The following IGF2 variants were observed in gnomAD, a reference collection of about 807,000 sequenced individuals.
The protein encoded by IGF2 is insulin like growth factor 2, also known as insulin-like growth factor 2.
A neutral mutation model predicts 12.0 loss-of-function variants in IGF2; 2 were observed. The ratio of observed to expected loss-of-function variants is 0.17; its 90% CI spans 0.07 to 0.52. The LOEUF (loss-of-function observed/expected upper bound fraction) is 0.52, where lower values mean the gene tolerates loss of function less well. IGF2 is among the 20% of genes least tolerant of loss of function. IGF2 has a pLI of 0.95. For missense variants in IGF2, 211 were observed against 268.0 expected (o/e 0.79, Z 1.48); for synonymous variants, 105 against 110.1 (o/e 0.95, Z 0.29).
the IGF2 span, chr11:2,146,331 A>C: frequency 1.9e-6 from 1 of 535,920 alleles, no homozygotes; most frequent in Admixed American, 1.9e-5. Context: ...GGGTCCTCAG[A>C]GCGCCCCTCC....
chr11:2,141,146 T>G (rs1859562392), upstream of IGF2: 1 of 181,960 alleles, frequency 5.5e-6, no homozygotes, highest in Admixed American at 6.5e-5. Flanking sequence ...TAGAGAGAAA[T>G]TTCCCAAATC....
At chr11:2,142,207 T>TAA (rs56374651), upstream of IGF2, among the ~76,000 whole-genome samples, 2,020 of 145,590 alleles carry the variant, frequency 0.014, 25 homozygotes, top group African/African-American at 0.038. The surrounding 1 kb of genome is among the most constrained non-coding windows in gnomAD (Gnocchi z 5.7). Flanking sequence ...AAATCAGTAT[T>TAA]AAAAAAAAAA....
chr11:2,131,356 G>A lies in IGF2; in HGVS notation c.*1631C>T, dbSNP rs1045041690. On this transcript the variant is annotated 3_prime_UTR_variant, in exon 4 of 4. Coordinates refer to ENST00000416167, the MANE Select transcript of IGF2 (RefSeq NM_000612.6). The stretch of plus-strand genomic sequence containing the variant: ...CATTGGAGAATCTTAGCGGGACTTT[G>A]GCCTGATCCATACAGATATCGTAGT... The A allele has an allele frequency of 4.3e-6, 1 of 233,354 alleles. No homozygotes were observed. Among genetic ancestry groups the A allele is most frequent in the Middle Eastern group, 1.3e-3 (1 of 790 alleles). The allele number at this position is 233,354 out of a possible 1,614,324, so 14.5% of individuals were successfully genotyped here. A position where few individuals can be genotyped will look rare whatever the true frequency, so the allele number is the denominator to read the frequency against.
chr11:2,146,418 TGGCGTCAGCCC>T, the IGF2 span: 44 of 533,786 alleles, frequency 8.2e-5, no homozygotes, highest in Non-Finnish European at 5.0e-5. Flanking sequence ...ACACACTCGC[TGGCGTCAGCCC>T]GGCCGGCCTG....
intron 1 of IGF2, among the ~76,000 whole-genome samples, chr11:2,136,190 A>G (rs1435974561): frequency 6.6e-6 from 1 of 152,004 alleles, no homozygotes; most frequent in Non-Finnish European, 1.5e-5. Flanking sequence ...CAACCACGCC[A>G]CCCATGCTCT....
chr11:2,149,275 G>A, the IGF2 span: 1 of 1,613,730 alleles, frequency 6.2e-7, no homozygotes, highest in Non-Finnish European at 8.5e-7. Flanking sequence ...CCAAAGCAGG[G>A]GGTGCCCTGG....
In IGF2 at chr11:2,132,657, TG is replaced by T. The variant is rs199644459; in HGVS notation, c.*329del. On this transcript the variant is annotated 3_prime_UTR_variant, in exon 4 of 4. Coordinates refer to ENST00000416167, the MANE Select transcript of IGF2 (RefSeq NM_000612.6). ...CCAATTAGTTTTAAGAGGGTTGTTG[TG>T]GGGGGGGGGGAAGGGGGTTAGTTTA... is the stretch of plus-strand genomic sequence containing the variant. 19,952 of 114,922 alleles carry T rather than the reference TG, an allele frequency of 0.17. 1,224 individuals are homozygous for T. Among genetic ancestry groups the T allele is most frequent in the African/African-American group, 0.31 (6,384 of 20,466 alleles). 7.1% of individuals were successfully genotyped at this position (114,922 alleles called of 1,614,324 possible).
upstream of IGF2, among the ~76,000 whole-genome samples, chr11:2,141,847 T>G (rs1859618629): frequency 6.6e-6 from 1 of 152,190 alleles, no homozygotes; most frequent in Admixed American, 6.5e-5. Flanking sequence ...AATAAAAAAA[T>G]AAAAAATCAG....
chr11:2,135,244 G>A, intron 2 of IGF2, 123 bp downstream of exon 2: 1 of 892,286 alleles, frequency 1.1e-6, no homozygotes, highest in South Asian at 2.0e-5. Flanking sequence ...GAAGGTCAAA[G>A]TCTCAGAGCA....
Position 2,130,589 on chromosome 11 carries a change from A to AAC in IGF2, c.*2397_*2398insGT. ...AGCTAAGGAGGGGTAAAAAAAAAAC[A>AAC]AAAAAAAAAAAAAAAGGAAAAATGC... On this transcript the variant is annotated 3_prime_UTR_variant, in exon 4 of 4. Coordinates refer to ENST00000416167, the MANE Select transcript of IGF2 (RefSeq NM_000612.6). 1 of 113,488 alleles carries AAC rather than the reference A, an allele frequency of 8.8e-6. No homozygotes were observed. The highest frequency in any genetic ancestry group is 1.6e-5 in the Non-Finnish European group (1 of 63,354). The allele number at this position is 113,488 out of a possible 1,614,324, so 7.0% of individuals were successfully genotyped here.
chr11:2,138,074 C>T (rs1250063339), intron 1 of IGF2, among the ~76,000 whole-genome samples, 155 bp downstream of exon 1: 1 of 150,362 alleles, frequency 6.7e-6, no homozygotes, highest in Non-Finnish European at 1.5e-5. Context: ...AGCCGTCCGT[C>T]CTCCTCCTCC....
At position 2,131,736 on chromosome 11, in the gene IGF2, G is replaced by T. The variant is rs920767501; in HGVS notation, c.*1251C>A. 1 of 201,782 alleles carries T rather than the reference G, an allele frequency of 5.0e-6. No individual in the cohort carries two copies. The highest frequency in any genetic ancestry group is 2.5e-5 in the African/African-American group (1 of 40,590). The allele number at this position is 201,782 out of a possible 1,614,324, so 12.5% of individuals were successfully genotyped here. On this transcript the variant is annotated 3_prime_UTR_variant, in exon 4 of 4. Transcript: ENST00000416167. Reference sequence around the variant, plus strand: ...CTGTGTTCGTGTGTGCTGTGTTCGCGTGTGTGTGCTGTGTGTGCATGTGTG... The same window carrying T: ...CTGTGTTCGTGTGTGCTGTGTTCGCTTGTGTGTGCTGTGTGTGCATGTGTG...
rs369572451 is a variant in IGF2 at position 2,135,560 on chromosome 11, G to C, written c.-6-31C>G. ...GGCGGGAGAGAAGTGGCGTGAGCGG[G>C]GCAGCCAGGCCAAGCCCCAGGCCAG... On this transcript the variant is annotated intron_variant, in intron 1 of 3. Transcript: ENST00000416167. 1.4e-5 allele frequency: 22 copies of C among 1,596,620 alleles called. No individual in the cohort carries two copies. In the African/African-American group the frequency reaches 2.1e-4, roughly 16 times the overall value.
At position 2,132,177 on chromosome 11, in the gene IGF2, T is replaced by A. The variant is rs566342533; in HGVS notation, c.*810A>T. Reference sequence around the variant, plus strand: ...GAGATGTAAGATTTGGGGGTGAGGGTCGTGCCAATTACATTTCATTTGCAT... The same window carrying A: ...GAGATGTAAGATTTGGGGGTGAGGGACGTGCCAATTACATTTCATTTGCAT... On this transcript the variant is annotated 3_prime_UTR_variant, in exon 4 of 4. Coordinates refer to ENST00000416167, the MANE Select transcript of IGF2 (RefSeq NM_000612.6). 4.9e-6 allele frequency: 1 copy of A among 203,906 alleles called. No individual in the cohort carries two copies. Among genetic ancestry groups the A allele is most frequent in the South Asian group, 1.9e-4 (1 of 5,268 alleles). The allele number at this position is 203,906 out of a possible 1,614,324, so 12.6% of individuals were successfully genotyped here. A position where few individuals can be genotyped will look rare whatever the true frequency, so the allele number is the denominator to read the frequency against.
At chr11:2,143,030 ACT>A (rs567670706), upstream of IGF2, among the ~76,000 whole-genome samples, 3 of 152,178 alleles carry the variant, frequency 2.0e-5, no homozygotes, top group African/African-American at 7.2e-5. Flanking sequence ...AAGCTTTGTG[ACT>A]CACACACCCA....
At chr11:2,147,209 A>C in the IGF2 span, 1 of 172,740 alleles carries the variant, frequency 5.8e-6, no homozygotes, top group Non-Finnish European at 1.2e-5. This position sits in a 1 kb window ranked among gnomAD's most constrained non-coding sequence, Gnocchi z 7.2. Flanking sequence ...CCCCAATGAT[A>C]TTTTCCCTTT....
intron 1 of IGF2, among the ~76,000 whole-genome samples, chr11:2,136,974 G>T (rs1394040808): frequency 5.3e-5 from 8 of 152,232 alleles, no homozygotes; most frequent in Non-Finnish European, 1.0e-4. Flanking sequence ...GGAGGGGGCC[G>T]AAGGGAAGGA....
In IGF2 at chr11:2,130,585, AAAC is replaced by A. The variant is rs1211482662; in HGVS notation, c.*2399_*2401del. 5.0e-6 allele frequency: 1 copy of A among 201,206 alleles called. No individual in the cohort carries two copies. The highest frequency in any genetic ancestry group is 6.0e-5 in the Admixed American group (1 of 16,714). The allele number at this position is 201,206 out of a possible 1,614,324, so 12.5% of individuals were successfully genotyped here. A position where few individuals can be genotyped will look rare whatever the true frequency, so the allele number is the denominator to read the frequency against. ...ATAAAGCTAAGGAGGGGTAAAAAAA[AAAC>A]AAAAAAAAAAAAAAAAGGAAAAATG... On this transcript the variant is annotated 3_prime_UTR_variant, in exon 4 of 4. Transcript: ENST00000416167.
At chr11:2,141,554 G>A (rs1230443655), upstream of IGF2, among the ~76,000 whole-genome samples, 2 of 152,204 alleles carry the variant, frequency 1.3e-5, no homozygotes, top group African/African-American at 4.8e-5. Context: ...GAATTTTGCC[G>A]TAGAGCCATA....
Sources: gnomAD v4.1 joint callset for allele counts (sites outside exome capture counted in the v4.1 genomes callset) on GRCh38, gnomAD v4.1.1 for gene constraint, Gnocchi (gnomAD v3.1) non-coding constraint, MANE v1.5 for transcripts, NCBI Gene and HGNC (gene_info 2026-07-23, HGNC 2026-07-21) for gene names.